SIK3: variants seen among roughly 807,000 people sequenced by gnomAD.
SIK3 encodes serine/threonine-protein kinase SIK3.
SIK3 carries 28 observed loss-of-function variants against 144.2 expected under a neutral mutation model. The observed-to-expected ratio is 0.19, with a 90% confidence interval of 0.14 to 0.27. The LOEUF is 0.27. Ranked by LOEUF, SIK3 falls within the 10% of genes least tolerant of loss-of-function variation. SIK3 has a pLI of 1.00. For synonymous variants in SIK3, 686 were observed against 676.3 expected (o/e 1.01, Z -0.22); for missense variants, 1,319 against 1,776.0 (o/e 0.74, Z 4.62).
intron 9 of SIK3, 116 bp from the exon 10 acceptor site, chr11:116,875,567 G>T: frequency 8.7e-7 from 1 of 1,150,334 alleles, no homozygotes; most frequent in South Asian, 1.5e-5. Flanking sequence ...TAAAGTTTTT[G>T]GTTCATCGGC....
At chr11:116,878,148 T>C (rs1380817400) in intron 6 of SIK3, among the ~76,000 whole-genome samples, 1 of 151,916 alleles carries the variant, frequency 6.6e-6, no homozygotes, top group Non-Finnish European at 1.5e-5. Context: ...ATTCAACATC[T>C]TTATCCAAGC....
intron 4 of SIK3, among the ~76,000 whole-genome samples, chr11:116,907,078 G>T (rs1946080145): frequency 6.6e-6 from 1 of 152,198 alleles, no homozygotes; most frequent in African/African-American, 2.4e-5. Context: ...GTATTAAACA[G>T]TTGTTTTTCA....
chr11:116,938,134 G>A (rs1948018550), intron 3 of SIK3, among the ~76,000 whole-genome samples: 1 of 148,906 alleles, frequency 6.7e-6, no homozygotes, highest in Non-Finnish European at 1.5e-5. Flanking sequence ...GAACCTGGGA[G>A]GCGGAGGCTG....
At chr11:116,986,470 A>G (rs1591483295) in intron 1 of SIK3, among the ~76,000 whole-genome samples, 1 of 152,144 alleles carries the variant, frequency 6.6e-6, no homozygotes, top group East Asian at 1.9e-4. Flanking sequence ...AATTGCAAAC[A>G]TCTGTCACTT....
At chr11:116,944,953 CATTTCTTTTTTCTTTTTTTTTTT>C (rs1948507619) in intron 3 of SIK3, among the ~76,000 whole-genome samples, 1 of 151,164 alleles carries the variant, frequency 6.6e-6, no homozygotes, top group African/African-American at 2.5e-5. Flanking sequence ...GCACTAGCTA[CATTTCTTTTTTCTTTTTTTTTTT>C]TGAGACGGAG....
Position 117,006,537 on chromosome 11 carries a change from C to T in SIK3, c.274-49473G>A, listed in dbSNP as rs561954604. ...AAGCTGCTGCACACTGCGGCTCACACCTGTATTCCCAGCACTTTGGGAGGC... is the reference window on the plus strand; with the variant it reads ...AAGCTGCTGCACACTGCGGCTCACATCTGTATTCCCAGCACTTTGGGAGGC... On this transcript the variant is annotated intron_variant, in intron 1 of 24. Transcript: ENST00000445177. 1.8e-4 allele frequency among the ~76,000 whole-genome samples: 28 copies of T among 152,240 alleles called. No homozygotes were observed. In the South Asian group the frequency reaches 4.6e-3, roughly 25 times the overall value.
intron 11 of SIK3, 72 bp downstream of exon 11, chr11:116,875,086 A>T: frequency 7.6e-6 from 9 of 1,190,020 alleles, no homozygotes; most frequent in Non-Finnish European, 1.1e-5. Context: ...GAAATGTGCC[A>T]TGGTAGACAC....
chr11:116,849,305 G>C lies in SIK3; in HGVS notation c.3656-22C>G, dbSNP rs113661446. The stretch of plus-strand genomic sequence containing the variant: ...GGCTCTGAGGAGACACAGCAGAATA[G>C]AGTCAGTGGGGCGGAACTTCTCCCA... On this transcript the variant is annotated intron_variant, in intron 21 of 24. Coordinates refer to ENST00000445177, the MANE Select transcript of SIK3 (RefSeq NM_001366686.3). This position sits in a 1 kb window ranked among gnomAD's most constrained non-coding sequence, Gnocchi z 4.2. 6,346 of 1,613,522 alleles carry C rather than the reference G, an allele frequency of 3.9e-3. 207 individuals are homozygous for C. The African/African-American group carries it at 0.072, about 18-fold the overall frequency.
chr11:116,945,822 T>C (rs1410255873), intron 3 of SIK3, among the ~76,000 whole-genome samples: 1 of 152,184 alleles, frequency 6.6e-6, no homozygotes, highest in Non-Finnish European at 1.5e-5. Flanking sequence ...CTAAGGCCTT[T>C]AATCAACTTA....
chr11:117,038,630 A>C (rs1262758811), intron 1 of SIK3, among the ~76,000 whole-genome samples: 1 of 151,970 alleles, frequency 6.6e-6, no homozygotes. Flanking sequence ...TGGGATTACA[A>C]GTGTGAGCCA....
intron 1 of SIK3, among the ~76,000 whole-genome samples, chr11:117,039,073 C>T (rs1161049216): frequency 6.6e-6 from 1 of 151,808 alleles, no homozygotes; most frequent in Non-Finnish European, 1.5e-5. Flanking sequence ...AAAGAAATAT[C>T]GCACATTCAC....
At chr11:117,044,918 G>A (rs1285267698) in intron 1 of SIK3, among the ~76,000 whole-genome samples, 6 of 152,056 alleles carry the variant, frequency 3.9e-5, no homozygotes, top group Non-Finnish European at 8.8e-5. Flanking sequence ...CAAACTATCC[G>A]ATACTAAGGC....
chr11:116,867,965 G>A lies in SIK3; in HGVS notation c.1933C>T (p.Leu645=), dbSNP rs1943741617. 6.5e-7 allele frequency: 1 copy of A among 1,547,922 alleles called. No individual in the cohort carries two copies. The highest frequency in any genetic ancestry group is 2.0e-5 in the Admixed American group (1 of 50,778). The change falls in exon 15 of 25, where the codon CTG becomes TTG. Residue 645 remains leucine, a synonymous_variant. Coordinates refer to ENST00000445177, the MANE Select transcript of SIK3 (RefSeq NM_001366686.3). This position sits in a 1 kb window ranked among gnomAD's most constrained non-coding sequence, Gnocchi z 4.1. The part of the protein sequence containing the change: ...PFRSRVWPPH[L]VPDQHRSTYK... The stretch of plus-strand genomic sequence containing the variant: ...ACTCACCGATGCTGATCAGGTACCA[G>A]GTGAGGAGGCCAGACCCGGGAACGG...
In SIK3 at chr11:116,876,318, G is replaced by T. The variant is rs1015277255; in HGVS notation, c.1030C>A (p.Pro344Thr). The change falls in exon 8 of 25, where the codon CCC becomes ACC. Residue 344 changes from proline to threonine, a missense_variant. Physicochemically the swap from Pro to Thr is conservative, Grantham distance 38. Around this residue, in one of 8 missense-constraint regions of SIK3, gnomAD observed 109 missense variants for 109.3 expected, o/e 1.00. Transcript: ENST00000445177. Reference protein sequence around the residue: ...QQLKEERQVDPLNEDVLLAME... With the variant: ...QQLKEERQVDTLNEDVLLAME... ...GCCAAGAGGACATCCTCATTCAGGG[G>T]GTCCACCTGTCTTTCTTCCTTTAGT... is the stretch of plus-strand genomic sequence containing the variant. 1 of 1,614,086 alleles carries T rather than the reference G, an allele frequency of 6.2e-7. No individual in the cohort carries two copies. The highest frequency in any genetic ancestry group is 1.7e-5 in the Admixed American group (1 of 60,010).
intron 1 of SIK3, among the ~76,000 whole-genome samples, chr11:117,011,784 A>G (rs1210596523): frequency 6.6e-6 from 1 of 152,170 alleles, no homozygotes; most frequent in Non-Finnish European, 1.5e-5. Flanking sequence ...GTTCAAGACC[A>G]GCCTGGACAA....
At position 116,850,541 on chromosome 11, in the gene SIK3, A is replaced by G. The variant is rs141386514; in HGVS notation, c.3656-1258T>C. The stretch of plus-strand genomic sequence containing the variant: ...AGATCATCTCTTCCTTTAAACTTCA[A>G]AAGACTTTGTCTCTGATTGCTCTAA... On this transcript the variant is annotated intron_variant, in intron 21 of 24. Coordinates refer to ENST00000445177, the MANE Select transcript of SIK3 (RefSeq NM_001366686.3). Among the ~76,000 whole-genome samples, 794 of 152,336 alleles carry G rather than the reference A, an allele frequency of 5.2e-3. 11 individuals carry two copies. The highest frequency in any genetic ancestry group is 0.018 in the African/African-American group (746 of 41,570).
At chr11:117,028,154 C>T (rs1019255939) in intron 1 of SIK3, among the ~76,000 whole-genome samples, 2 of 152,130 alleles carry the variant, frequency 1.3e-5, no homozygotes, top group South Asian at 4.1e-4. Flanking sequence ...GGGAAACAAC[C>T]TGCTTAAAAT....
At chr11:116,978,600 C>T (rs947162621) in intron 1 of SIK3, among the ~76,000 whole-genome samples, 3 of 152,012 alleles carry the variant, frequency 2.0e-5, no homozygotes, top group African/African-American at 7.2e-5. Context: ...AACTCCTGGG[C>T]TCAAGAGATC....
At chr11:116,975,150 A>T (rs1218123382) in intron 1 of SIK3, among the ~76,000 whole-genome samples, 2 of 151,982 alleles carry the variant, frequency 1.3e-5, no homozygotes, top group Non-Finnish European at 2.9e-5. Context: ...TCTCCTCAGC[A>T]AGAATTTCCC....
Sources: allele counts gnomAD v4.1 joint callset (sites outside exome capture counted in the v4.1 genomes callset), GRCh38; gene constraint gnomAD v4.1.1; regional missense constraint gnomAD v4.1.1; non-coding constraint Gnocchi (gnomAD v3.1); transcripts MANE v1.5; gene names NCBI Gene and HGNC (gene_info 2026-07-23, HGNC 2026-07-21).